ABCC1: variants seen among roughly 807,000 people sequenced by gnomAD.
ABCC1 encodes the protein multidrug resistance-associated protein 1.
In ABCC1, 83 loss-of-function variants were observed where a neutral mutation model predicts 172.9. The ratio of observed to expected loss-of-function variants is 0.48; its 90% CI spans 0.40 to 0.58. The LOEUF is 0.58. ABCC1 is among the 20% of genes least tolerant of loss of function. The pLI is 0.00. For missense variants in ABCC1, 1,817 were observed against 2,002.7 expected, an observed-to-expected ratio of 0.91 and a Z score of 1.77; for synonymous variants, 937 against 825.2, an observed-to-expected ratio of 1.14 and a Z score of -2.32.
At chr16:15,997,409 A>G (rs1700251329) in intron 1 of ABCC1, among the ~76,000 whole-genome samples, 1 of 152,094 alleles carries the variant, frequency 6.6e-6, no homozygotes, top group Non-Finnish European at 1.5e-5. Context: ...CTTTCTCTGT[A>G]AAGATTTCTG....
At chr16:15,990,815 A>G (rs1427780511) in intron 1 of ABCC1, among the ~76,000 whole-genome samples, 1 of 86,280 alleles carries the variant, frequency 1.2e-5, no homozygotes, top group Non-Finnish European at 2.6e-5. Context: ...ACGCCCGGCT[A>G]ATTTTTTTTT....
chr16:15,977,854 A>G (rs540299539), intron 1 of ABCC1, among the ~76,000 whole-genome samples: 11 of 152,206 alleles, frequency 7.2e-5, no homozygotes, highest in African/African-American at 2.4e-4. Context: ...CTGTTGTCAC[A>G]TGAATGATTT....
At chr16:16,055,567 A>T (rs2049614198) in intron 11 of ABCC1, among the ~76,000 whole-genome samples, 1 of 151,944 alleles carries the variant, frequency 6.6e-6, no homozygotes, top group South Asian at 2.1e-4. Flanking sequence ...AAAAGAAAAA[A>T]TACGAAAACA....
chr16:16,012,799 C>T (rs1043425788), intron 3 of ABCC1, among the ~76,000 whole-genome samples: 5 of 151,762 alleles, frequency 3.3e-5, no homozygotes, highest in Non-Finnish European at 5.9e-5. Context: ...TCTCCTGCCT[C>T]AGCTTCCCCA....
rs954130946 is a variant in ABCC1, at chr16:16,142,365, C to T, written c.*1084C>T. The T allele has an allele frequency of 6.6e-6, 1 of 152,224 alleles. No individual in the cohort carries two copies. The highest frequency in any genetic ancestry group is 6.5e-5 in the Admixed American group (1 of 15,284). The allele number at this position is 152,224 out of a possible 1,614,324, so 9.4% of individuals were successfully genotyped here. On this transcript the variant is annotated 3_prime_UTR_variant, in exon 31 of 31. Coordinates refer to ENST00000399410, the MANE Select transcript of ABCC1 (RefSeq NM_004996.4). ...CTTACCACCTCTTTTCTTTCCCTCT[C>T]ATGGTACCTGCTCATGGTTATGAAG...
At chr16:15,994,589 T>C (rs148464135) in intron 1 of ABCC1, among the ~76,000 whole-genome samples, 129 of 152,298 alleles carry the variant, frequency 8.5e-4, no homozygotes, top group African/African-American at 2.7e-3. Flanking sequence ...CAATTCCTGC[T>C]GCTATTTATT....
chr16:16,076,027 C>T (rs2050549632), intron 14 of ABCC1: 1 of 449,082 alleles, frequency 2.2e-6, no homozygotes, highest in Non-Finnish European at 3.9e-6. Flanking sequence ...GAGTAATTCT[C>T]ATGCGGCCCC....
At chr16:16,107,164 G>A (rs45494196) in intron 21 of ABCC1, among the ~76,000 whole-genome samples, 2 of 152,274 alleles carry the variant, frequency 1.3e-5, no homozygotes, top group East Asian at 1.9e-4. Context: ...GGTCTCATTC[G>A]CTAGAGGTGA....
rs944133107 is a variant in ABCC1 at position 16,121,566 on chromosome 16, C to T, written c.3391-409C>T. On this transcript the variant is annotated intron_variant, in intron 23 of 30. Coordinates refer to ENST00000399410, the MANE Select transcript of ABCC1 (RefSeq NM_004996.4). ...GGGTAGAGGTTAGCACTTTGCAGCC[C>T]AGATGGCCTGGGTTTGAATCCCAGT... Among the ~76,000 whole-genome samples, 4 of 152,314 alleles carry T rather than the reference C, an allele frequency of 2.6e-5. 1 individual carries two copies. In the South Asian group the frequency reaches 8.3e-4, roughly 32 times the overall value.
chr16:16,011,317 T>G (rs1597113658), intron 3 of ABCC1, among the ~76,000 whole-genome samples: 3 of 144,732 alleles, frequency 2.1e-5, no homozygotes, highest in Admixed American at 6.9e-5. Flanking sequence ...CAGGGAGGGG[T>G]GGAAGGTTAA....
intron 16 of ABCC1, among the ~76,000 whole-genome samples, chr16:16,080,621 C>T (rs539378901): frequency 2.2e-4 from 34 of 152,122 alleles, no homozygotes; most frequent in Non-Finnish European, 4.4e-4. Context: ...GACATTTGGG[C>T]GATAAAGAAC....
chr16:15,972,482 C>G (rs770353096), intron 1 of ABCC1, among the ~76,000 whole-genome samples: 1 of 152,142 alleles, frequency 6.6e-6, no homozygotes, highest in East Asian at 1.9e-4. Flanking sequence ...CTCAAGGCCC[C>G]TAAATGGCTG....
At chr16:16,045,375 G>A (rs552295587) in intron 8 of ABCC1, among the ~76,000 whole-genome samples, 2 of 118,532 alleles carry the variant, frequency 1.7e-5, no homozygotes, top group East Asian at 2.6e-4. Context: ...AAACCTTGGC[G>A]ACAGAGCAAG....
intron 5 of ABCC1, among the ~76,000 whole-genome samples, chr16:16,022,093 T>TC (rs1178088718): frequency 6.6e-6 from 1 of 152,168 alleles, no homozygotes; most frequent in Non-Finnish European, 1.5e-5. Flanking sequence ...CAGCAGGCCA[T>TC]CCATCACCTG....
At chr16:16,003,372 T>C in intron 1 of ABCC1, among the ~76,000 whole-genome samples, 8 of 49,630 alleles carry the variant, frequency 1.6e-4, no homozygotes, top group African/African-American at 6.0e-4. Context: ...ATGAATGAAC[T>C]GGTGGGTTGC....
Position 16,048,294 on chromosome 16 carries a change from C to T in ABCC1, c.1371C>T (p.Leu457=), listed in dbSNP as rs1248921219. The change falls in exon 10 of 31, where the codon CTC becomes CTT. Residue 457 remains leucine (L), a synonymous_variant. Transcript: ENST00000399410. The stretch of plus-strand genomic sequence containing the variant: ...TGCAAGTCATCCTTGCTCTCTACCT[C>T]CTGTGGCTGGTGTGTGTTTAACGCC... ...APLQVILALY[L]LWLNLGPSVL... 1.9e-6 allele frequency: 3 copies of T among 1,613,946 alleles called. No individual in the cohort carries two copies. The highest frequency in any genetic ancestry group is 2.7e-5 in the African/African-American group (2 of 74,936).
In ABCC1 at chr16:16,118,883, TAAAAA is replaced by T. The variant is rs397855738; in HGVS notation, c.3391-3074_3391-3070del. On this transcript the variant is annotated intron_variant, in intron 23 of 30. Transcript: ENST00000399410. ...GGCAGTCTCATTCCTAAGTGTATATTAAAAAAAAAAAAAAAAAAAAAAGAGCAAAG... is the reference window on the plus strand; with the variant it reads ...GGCAGTCTCATTCCTAAGTGTATATTAAAAAAAAAAAAAAAAAGAGCAAAG... 4.6e-4 allele frequency among the ~76,000 whole-genome samples: 54 copies of T among 118,424 alleles called. 1 individual carries two copies. The East Asian group carries it at 0.013, about 29-fold the overall frequency. The allele number at this position is 118,424 out of a possible 152,430, so 77.7% of individuals were successfully genotyped here. A position where few individuals can be genotyped will look rare whatever the true frequency, so the allele number is the denominator to read the frequency against.
chr16:15,985,845 G>A (rs1364299949), intron 1 of ABCC1, among the ~76,000 whole-genome samples: 1 of 152,068 alleles, frequency 6.6e-6, no homozygotes. Context: ...ATGTACGGCT[G>A]GTGTTCTTTC....
chr16:16,079,573 C>T (rs1422652470), intron 16 of ABCC1, 95 bp downstream of exon 16: 32 of 1,460,864 alleles, frequency 2.2e-5, no homozygotes, highest in Non-Finnish European at 2.7e-5. Context: ...GTCCCTGTGC[C>T]AGAAGCGAAA....
Sources: allele counts gnomAD v4.1 joint callset (sites outside exome capture counted in the v4.1 genomes callset), GRCh38; gene constraint gnomAD v4.1.1; transcripts MANE v1.5; gene names NCBI Gene and HGNC (gene_info 2026-07-23, HGNC 2026-07-21).